The following DENND5B variants were observed in gnomAD, a reference collection of about 807,000 sequenced individuals.
DENND5B encodes the protein DENN domain containing 5B.
A neutral mutation model predicts 140.6 loss-of-function variants in DENND5B; 34 were observed. That is an observed-to-expected ratio of 0.24 (90% CI 0.18 to 0.32). The LOEUF (loss-of-function observed/expected upper bound fraction) is 0.32. Ranked by LOEUF, DENND5B falls within the 10% of genes least tolerant of loss-of-function variation. DENND5B has a pLI of 1.00. For synonymous variants in DENND5B, 551 were observed against 562.1 expected (o/e 0.98, Z 0.28); for missense variants, 1,142 against 1,560.2 (o/e 0.73, Z 4.52).
intron 2 of DENND5B, among the ~76,000 whole-genome samples, chr12:31,480,897 T>C (rs557458677): frequency 1.3e-5 from 2 of 152,326 alleles, no homozygotes; most frequent in South Asian, 2.1e-4. Flanking sequence ...TTACTTCTAG[T>C]AGAGATTATG....
chr12:31,569,492 T>C (rs1220402074), intron 1 of DENND5B, among the ~76,000 whole-genome samples: 1 of 152,172 alleles, frequency 6.6e-6, no homozygotes, highest in Non-Finnish European at 1.5e-5. Context: ...GACTGTGTTA[T>C]ATTCTCCTCC....
intron 1 of DENND5B, among the ~76,000 whole-genome samples, chr12:31,559,794 G>T (rs1305081934): frequency 2.0e-5 from 3 of 152,054 alleles, no homozygotes; most frequent in Non-Finnish European, 1.5e-5. Flanking sequence ...AGGGTTAGCT[G>T]TGTGTTCACT....
intron 6 of DENND5B, among the ~76,000 whole-genome samples, chr12:31,447,137 G>T (rs948207464): frequency 1.3e-5 from 2 of 151,930 alleles, no homozygotes; most frequent in African/African-American, 4.8e-5. Context: ...CAGGCGTGAT[G>T]GTGCGTGCCT....
intron 2 of DENND5B, among the ~76,000 whole-genome samples, chr12:31,484,866 T>C (rs1363863851): frequency 1.3e-5 from 2 of 152,166 alleles, no homozygotes; most frequent in African/African-American, 4.8e-5. Flanking sequence ...CGTCTTCTCT[T>C]ATTCTACACA....
intron 7 of DENND5B, among the ~76,000 whole-genome samples, chr12:31,433,862 T>A (rs1012497632): frequency 1.3e-5 from 2 of 152,020 alleles, no homozygotes; most frequent in African/African-American, 4.8e-5. Context: ...ACAAAAAATT[T>A]AAAAAATTAG....
chr12:31,470,929 T>C lies in DENND5B; in HGVS notation c.904+8660A>G, dbSNP rs564313544. Among the ~76,000 whole-genome samples the C allele has an allele frequency of 4.3e-4, 65 of 152,290 alleles. 1 individual carries two copies. The South Asian group carries it at 0.012, about 29-fold the overall frequency. ...TGGAGCAGTAGCTGTGCTGAGACCA[T>C]TTACTGAAGGTAAAAGTAACTAATG... is the stretch of plus-strand genomic sequence containing the variant. On this transcript the variant is annotated intron_variant, in intron 3 of 20. Coordinates refer to ENST00000389082, the MANE Select transcript of DENND5B (RefSeq NM_144973.4).
chr12:31,566,889 G>A (rs1041628903), intron 1 of DENND5B, among the ~76,000 whole-genome samples: 2 of 152,086 alleles, frequency 1.3e-5, no homozygotes, highest in African/African-American at 2.4e-5. Flanking sequence ...AGCTGGGTTC[G>A]GTGGAGTGTG....
chr12:31,484,894 CTCAA>C (rs996075009), intron 2 of DENND5B, among the ~76,000 whole-genome samples: 13 of 152,184 alleles, frequency 8.5e-5, no homozygotes, highest in African/African-American at 2.9e-4. Context: ...CGAACCATTT[CTCAA>C]TCAAATTGTC....
chr12:31,465,103 C>T (rs1030375187), intron 3 of DENND5B: 12 of 152,380 alleles, frequency 7.9e-5, no homozygotes, highest in African/African-American at 2.9e-4. Context: ...CCTCTGCTGC[C>T]TCAGCCCCTG....
intron 3 of DENND5B, among the ~76,000 whole-genome samples, chr12:31,473,111 G>C (rs1183692083): frequency 3.3e-5 from 5 of 152,024 alleles, no homozygotes; most frequent in Non-Finnish European, 7.4e-5. Context: ...GCTAATTTTT[G>C]TATTTTAGTA....
chr12:31,543,299 G>A (rs1948749705), intron 1 of DENND5B, among the ~76,000 whole-genome samples: 1 of 152,166 alleles, frequency 6.6e-6, no homozygotes, highest in South Asian at 2.1e-4. Context: ...AAAATGTTAG[G>A]AGTAAGATGA....
Position 31,509,497 on chromosome 12 carries a change from G to A in DENND5B, c.128-13578C>T, listed in dbSNP as rs546355962. ...CCCAGGAGTTAAGAGGTTACAATGA[G>A]CTATGATTGTGCCACTGAATTGCAG... On this transcript the variant is annotated intron_variant, in intron 1 of 20. Coordinates refer to ENST00000389082, the MANE Select transcript of DENND5B (RefSeq NM_144973.4). Among the ~76,000 whole-genome samples the A allele has an allele frequency of 1.2e-3, 180 of 152,250 alleles. 1 individual carries two copies. The highest frequency in any genetic ancestry group is 2.2e-4 in the Non-Finnish European group (15 of 68,014).
chr12:31,437,040 A>G (rs181965662), intron 7 of DENND5B, among the ~76,000 whole-genome samples: 169 of 152,260 alleles, frequency 1.1e-3, no homozygotes, highest in African/African-American at 3.6e-3. Flanking sequence ...ATCACAGAGT[A>G]TTATAGTTAC....
At chr12:31,432,409 A>T (rs1943548606) in intron 8 of DENND5B, 1 of 152,188 alleles carries the variant, frequency 6.6e-6, no homozygotes, top group African/African-American at 2.4e-5. Flanking sequence ...TATTTTTACA[A>T]ATTTGATACT....
At chr12:31,504,736 C>T (rs578035819) in intron 1 of DENND5B, among the ~76,000 whole-genome samples, 2 of 152,262 alleles carry the variant, frequency 1.3e-5, no homozygotes, top group African/African-American at 4.8e-5. Context: ...TCTCTTCCTG[C>T]CCTGACAGAT....
intron 7 of DENND5B, among the ~76,000 whole-genome samples, chr12:31,440,544 G>T (rs1024239620): frequency 1.3e-5 from 2 of 152,218 alleles, no homozygotes; most frequent in Non-Finnish European, 2.9e-5. Flanking sequence ...TTTTCTACAA[G>T]AGGAGAAAAT....
chr12:31,528,637 A>C (rs752493462), intron 1 of DENND5B, among the ~76,000 whole-genome samples: 37 of 152,220 alleles, frequency 2.4e-4, no homozygotes, highest in Non-Finnish European at 4.6e-4. Context: ...AGTAATAAAG[A>C]AAGCGTGCAA....
chr12:31,487,132 T>C (rs2138634523), intron 2 of DENND5B, among the ~76,000 whole-genome samples: 1 of 152,318 alleles, frequency 6.6e-6, no homozygotes, highest in East Asian at 1.9e-4. Flanking sequence ...ATATTTCATA[T>C]CATTGAATAT....
In DENND5B at chr12:31,426,634, A is replaced by C; in HGVS notation, c.2107-210T>G. 5 of 459,152 alleles carry C rather than the reference A, an allele frequency of 1.1e-5. No homozygotes were observed. The South Asian group carries it at 1.4e-4, about 13-fold the overall frequency. 28.4% of individuals were successfully genotyped at this position (459,152 alleles called of 1,614,324 possible). On this transcript the variant is annotated intron_variant, in intron 8 of 20. Coordinates refer to ENST00000389082, the MANE Select transcript of DENND5B (RefSeq NM_144973.4). ...AACTGTTAACTCCTGTGAGAAGTAA[A>C]GTGACAGAAACCCCATCACGTTAAA...
Sources: gnomAD v4.1 joint callset for allele counts (sites outside exome capture counted in the v4.1 genomes callset) on GRCh38, gnomAD v4.1.1 for gene constraint, MANE v1.5 for transcripts, NCBI Gene and HGNC (gene_info 2026-07-23, HGNC 2026-07-21) for gene names.